Variants in BCAP29 observed in about 807,000 individuals in gnomAD.
BCAP29 encodes B-cell receptor-associated protein 29.
Under a neutral mutation model 31.8 loss-of-function variants are expected in BCAP29, and 34 were observed. The ratio of observed to expected loss-of-function variants is 1.07; its 90% confidence interval spans 0.81 to 1.42. The LOEUF is 1.42. Ranked by LOEUF, BCAP29 falls within the 40% of genes most tolerant of loss-of-function variation. The probability of loss-of-function intolerance (pLI) is 0.00; values close to 1 mark genes in which losing one functional copy is unlikely to be tolerated. For synonymous variants in BCAP29, 104 were observed against 91.3 expected, an observed-to-expected ratio of 1.14 and a Z score of -0.79; for missense variants, 314 against 269.2, an observed-to-expected ratio of 1.17 and a Z score of -1.16.
chr7:107,592,604 G>C (rs764896199), intron 3 of BCAP29, among the ~76,000 whole-genome samples: 12 of 152,194 alleles, frequency 7.9e-5, no homozygotes, highest in Non-Finnish European at 1.5e-4. Context: ...AGAAATGAAA[G>C]CACATGTCGA....
intron 6 of BCAP29, 28 bp downstream of exon 6, chr7:107,600,533 A>G (rs1810976749): frequency 3.7e-6 from 5 of 1,343,516 alleles, no homozygotes; most frequent in Non-Finnish European, 5.3e-6. Context: ...TGAAAAAGTA[A>G]AAAGACTAGC....
intron 1 of BCAP29, 71 bp from the exon 2 acceptor site, chr7:107,580,688 C>A (rs1806460291): frequency 8.5e-6 from 9 of 1,052,922 alleles, no homozygotes; most frequent in Non-Finnish European, 1.3e-5. Context: ...GACAAAAACG[C>A]TGCGCCTCGG....
downstream of BCAP29, chr7:107,620,803 A>G (rs982650445): frequency 3.9e-5 from 6 of 152,042 alleles, no homozygotes; most frequent in African/African-American, 1.5e-4. Flanking sequence ...TCTCTTGGCT[A>G]TTTTTCCTAG....
At chr7:107,587,074 A>G (rs1385749016) in intron 3 of BCAP29, among the ~76,000 whole-genome samples, 1 of 152,168 alleles carries the variant, frequency 6.6e-6, no homozygotes, top group Non-Finnish European at 1.5e-5. Context: ...CTTAGAGCCA[A>G]CACTAACTGA....
rs1202835317 is a variant in BCAP29 at position 107,618,638 on chromosome 7, A to G, written c.*275A>G. On this transcript the variant is annotated 3_prime_UTR_variant, in exon 8 of 8. Coordinates refer to ENST00000005259, the MANE Select transcript of BCAP29 (RefSeq NM_018844.4). The stretch of plus-strand genomic sequence containing the variant: ...ATTGGTATATGGTGGCTGTTTACCA[A>G]TAAAAGGAAAAAATTCATTAACCGG... The G allele has an allele frequency of 2.8e-6, 4 of 1,451,492 alleles. No homozygotes were observed. Among genetic ancestry groups the G allele is most frequent in the East Asian group, 2.3e-5 (1 of 43,502 alleles). The allele number at this position is 1,451,492 out of a possible 1,614,324, so 89.9% of individuals were successfully genotyped here.
At chr7:107,622,609 TCTC>T (rs1488046403), downstream of BCAP29, 1 of 152,330 alleles carries the variant, frequency 6.6e-6, no homozygotes, top group Non-Finnish European at 1.5e-5. Context: ...TTATGGTTTG[TCTC>T]CTCAGTGATT....
rs1814327756 is a variant in BCAP29 at position 107,617,110 on chromosome 7, C to T, written c.691-1218C>T. On this transcript the variant is annotated intron_variant, in intron 7 of 7. Transcript: ENST00000005259. Reference sequence around the variant, plus strand: ...CTGCTTGAGAAGCAAAAGATAGTTACAGATCCTCTATGGTAAAAAGCTCTA... The same window carrying T: ...CTGCTTGAGAAGCAAAAGATAGTTATAGATCCTCTATGGTAAAAAGCTCTA... Among the ~76,000 whole-genome samples the T allele has an allele frequency of 2.0e-5, 3 of 152,290 alleles. No homozygotes were observed. The South Asian group carries it at 6.2e-4, about 32-fold the overall frequency.
At chr7:107,611,867 A>G (rs1280971177) in intron 6 of BCAP29, among the ~76,000 whole-genome samples, 1 of 152,218 alleles carries the variant, frequency 6.6e-6, no homozygotes, top group Non-Finnish European at 1.5e-5. Context: ...GTTTAAATTT[A>G]ATTGAACTTA....
intron 6 of BCAP29, among the ~76,000 whole-genome samples, chr7:107,607,456 A>G (rs1047721510): frequency 6.6e-6 from 1 of 152,088 alleles, no homozygotes; most frequent in Non-Finnish European, 1.5e-5. Flanking sequence ...TATCTCACCC[A>G]GTTTCCCTCC....
At chr7:107,597,423 A>T (rs1393305357) in intron 5 of BCAP29, among the ~76,000 whole-genome samples, 3 of 152,158 alleles carry the variant, frequency 2.0e-5, no homozygotes, top group Admixed American at 6.6e-5. Context: ...TGGAAACTGC[A>T]TTACCCTGAG....
At chr7:107,608,259 G>A (rs982578195) in intron 6 of BCAP29, among the ~76,000 whole-genome samples, 20 of 151,758 alleles carry the variant, frequency 1.3e-4, no homozygotes, top group Non-Finnish European at 2.1e-4. Flanking sequence ...CAGAGTATCT[G>A]TGTAAATTGT....
chr7:107,588,467 T>C (rs1219971015), intron 3 of BCAP29, among the ~76,000 whole-genome samples: 1 of 152,204 alleles, frequency 6.6e-6, no homozygotes, highest in African/African-American at 2.4e-5. Context: ...GCTTTGTTCA[T>C]AGCAAAACGG....
At chr7:107,598,077 A>C (rs1426324739) in intron 5 of BCAP29, among the ~76,000 whole-genome samples, 1 of 152,216 alleles carries the variant, frequency 6.6e-6, no homozygotes, top group Non-Finnish European at 1.5e-5. Flanking sequence ...AGGCAAGTTT[A>C]CAGGTGCAGT....
downstream of BCAP29, chr7:107,620,732 C>T (rs1024804803): frequency 6.6e-6 from 1 of 152,208 alleles, no homozygotes; most frequent in Admixed American, 6.5e-5. Flanking sequence ...TTGTCCAGCT[C>T]TATCTTGGAC....
chr7:107,622,741 T>C (rs1815082421), downstream of BCAP29: 1 of 152,190 alleles, frequency 6.6e-6, no homozygotes, highest in Non-Finnish European at 1.5e-5. Flanking sequence ...AGGGGAATGC[T>C]CCTAGTGGAT....
At chr7:107,585,946 G>A (rs548069144) in intron 3 of BCAP29, among the ~76,000 whole-genome samples, 3 of 152,162 alleles carry the variant, frequency 2.0e-5, no homozygotes, top group South Asian at 2.1e-4. Context: ...AGCCGAGATC[G>A]CGCCATTGCA....
intron 2 of BCAP29, among the ~76,000 whole-genome samples, chr7:107,581,886 T>C (rs953241513): frequency 5.3e-5 from 8 of 152,216 alleles, no homozygotes; most frequent in Non-Finnish European, 7.3e-5. Context: ...TCTTTGATCT[T>C]ATTTGATCCA....
At chr7:107,594,390 G>A (rs1397944342) in intron 4 of BCAP29, among the ~76,000 whole-genome samples, 1 of 151,980 alleles carries the variant, frequency 6.6e-6, no homozygotes, top group Non-Finnish European at 1.5e-5. Context: ...GTCTCACTGT[G>A]TTGCCCAGAC....
chr7:107,622,228 CAAAAAA>C (rs199722961), downstream of BCAP29: 4 of 174,714 alleles, frequency 2.3e-5, no homozygotes, highest in Admixed American at 1.2e-4. Flanking sequence ...AAAACAAAAA[CAAAAAA>C]AACACTAATC....
Sources: allele counts gnomAD v4.1 joint callset (sites outside exome capture counted in the v4.1 genomes callset), GRCh38; gene constraint gnomAD v4.1.1; transcripts MANE v1.5; gene names NCBI Gene and HGNC (gene_info 2026-07-23, HGNC 2026-07-21).